PREX1: variants seen among roughly 807,000 people sequenced by gnomAD.
The protein encoded by PREX1 is phosphatidylinositol 3,4,5-trisphosphate-dependent Rac exchanger 1 protein.
A neutral mutation model predicts 198.3 loss-of-function variants in PREX1; 41 were observed. That is an observed-to-expected ratio of 0.21 (90% confidence interval 0.16 to 0.27). The LOEUF (loss-of-function observed/expected upper bound fraction) is 0.27, where lower values mean the gene tolerates loss of function less well. PREX1 is among the 10% of genes least tolerant of loss of function. The probability of loss-of-function intolerance (pLI) is 1.00; values close to 1 mark genes in which losing one functional copy is unlikely to be tolerated. For synonymous variants in PREX1, 843 were observed against 887.2 expected (o/e 0.95, Z 0.89); for missense variants, 1,620 against 2,200.7 (o/e 0.74, Z 5.28).
At chr20:48,841,807 C>T in the PREX1 span, among the ~76,000 whole-genome samples, 9 of 152,170 alleles carry the variant, frequency 5.9e-5, no homozygotes, top group African/African-American at 2.2e-4. Flanking sequence ...AACCCCCCGC[C>T]CACCCTACCT....
chr20:48,679,339 A>T, intron 13 of PREX1, 21 bp downstream of exon 13: 1 of 1,604,650 alleles, frequency 6.2e-7, no homozygotes, highest in Non-Finnish European at 8.5e-7. Context: ...GTGAAATTGG[A>T]GCTTGGAAAG....
chr20:48,628,341 G>A (rs1314206427), intron 37 of PREX1, among the ~76,000 whole-genome samples: 4 of 152,188 alleles, frequency 2.6e-5, no homozygotes, highest in South Asian at 2.1e-4. Flanking sequence ...TGGACACATC[G>A]ATTCACACCT....
At chr20:48,648,470 G>A (rs79247638) in intron 25 of PREX1, among the ~76,000 whole-genome samples, 7 of 152,102 alleles carry the variant, frequency 4.6e-5, no homozygotes, top group Admixed American at 4.6e-4. Flanking sequence ...CCCCAACAAG[G>A]AATAATCCAG....
intron 1 of PREX1, among the ~76,000 whole-genome samples, chr20:48,760,419 C>G (rs555895910): frequency 2.8e-4 from 42 of 152,198 alleles, no homozygotes; most frequent in African/African-American, 9.4e-4. Flanking sequence ...CAGAGCCCCC[C>G]ACATCCTCAT....
At chr20:48,720,987 G>C (rs12480741) in intron 5 of PREX1, among the ~76,000 whole-genome samples, 25,391 of 152,204 alleles carry the variant, frequency 0.17, 2,306 homozygotes, top group Middle Eastern at 0.29. Context: ...AACCCCACTA[G>C]AGCAGCTGTT....
intron 1 of PREX1, among the ~76,000 whole-genome samples, chr20:48,801,701 T>G (rs2090387595): frequency 6.6e-6 from 1 of 152,290 alleles, no homozygotes; most frequent in South Asian, 2.1e-4. Flanking sequence ...CCTGCTATGG[T>G]TTAGCTATGG....
intron 3 of PREX1, among the ~76,000 whole-genome samples, chr20:48,739,569 C>T (rs751302624): frequency 6.6e-6 from 1 of 152,216 alleles, no homozygotes; most frequent in Admixed American, 6.5e-5. Context: ...ACAGTCTGCA[C>T]TGGCATCTGA....
intron 1 of PREX1, among the ~76,000 whole-genome samples, chr20:48,789,941 G>C (rs2090330683): frequency 6.6e-6 from 1 of 152,068 alleles, no homozygotes; most frequent in Admixed American, 6.6e-5. Flanking sequence ...GTGAAGAAGG[G>C]GAGGAAAGAA....
chr20:48,682,710 G>C (rs770466122), intron 10 of PREX1, among the ~76,000 whole-genome samples: 1 of 152,156 alleles, frequency 6.6e-6, no homozygotes, highest in Non-Finnish European at 1.5e-5. Flanking sequence ...GGGGCCCCAG[G>C]TCCTAGTTCT....
rs759318978 is a variant in PREX1 at position 48,651,004 on chromosome 20, G to A, written c.2707C>T (p.Arg903Trp). The change falls in exon 23 of 40, where the codon CGG (arginine) becomes TGG (tryptophan). Residue 903 changes from arginine to tryptophan, a missense_variant. Arg to Trp is a moderately radical substitution (Grantham distance 101). This residue lies in a region of PREX1 where 514 missense variants were observed against 611.6 expected (regional missense o/e 0.84). Transcript: ENST00000371941. The part of the protein sequence containing the change: ...NDSVFVENCR[R>W]LMALSSAIVT... ...ATGGCGCTGCTCAGGGCCATGAGCC[G>A]CCTGCAGTTCTCCACGAAGACGCTG... The A allele has an allele frequency of 2.5e-6, 4 of 1,614,206 alleles. No individual in the cohort carries two copies. Among genetic ancestry groups the A allele is most frequent in the Non-Finnish European group, 3.4e-6 (4 of 1,180,032 alleles).
At chr20:48,653,147 C>T (rs1360432194) in intron 20 of PREX1, among the ~76,000 whole-genome samples, 1 of 152,126 alleles carries the variant, frequency 6.6e-6, no homozygotes, top group Non-Finnish European at 1.5e-5. Flanking sequence ...CTGTGAAAAC[C>T]GAGACCCCCG....
At chr20:48,738,494 C>T (rs1322276490) in intron 3 of PREX1, among the ~76,000 whole-genome samples, 1 of 152,178 alleles carries the variant, frequency 6.6e-6, no homozygotes, top group Non-Finnish European at 1.5e-5. Context: ...TCCAGCCTGA[C>T]CCCAGCTGCA....
the PREX1 span, among the ~76,000 whole-genome samples, chr20:48,886,600 C>A: frequency 6.6e-6 from 1 of 152,222 alleles, no homozygotes; most frequent in Non-Finnish European, 1.5e-5. Context: ...AAGCTAGGCC[C>A]AGACAAAATC....
the PREX1 span, among the ~76,000 whole-genome samples, chr20:48,835,483 T>A: frequency 6.6e-6 from 1 of 152,190 alleles, no homozygotes; most frequent in Non-Finnish European, 1.5e-5. Context: ...CAGGGAGCAC[T>A]GGGGCCAGCA....
At chr20:48,785,606 T>C (rs1302809814) in intron 1 of PREX1, among the ~76,000 whole-genome samples, 2 of 152,202 alleles carry the variant, frequency 1.3e-5, no homozygotes, top group Non-Finnish European at 2.9e-5. Context: ...TCATCGCTGA[T>C]GTTCGGACTC....
At chr20:48,657,732 G>A (rs1310577343) in intron 17 of PREX1, among the ~76,000 whole-genome samples, 1 of 151,570 alleles carries the variant, frequency 6.6e-6, no homozygotes, top group East Asian at 2.0e-4. Context: ...AAGCCGGAAG[G>A]CCCCAGGGCT....
chr20:48,704,051 C>T (rs756858769), intron 6 of PREX1, among the ~76,000 whole-genome samples: 2 of 152,210 alleles, frequency 1.3e-5, no homozygotes, highest in African/African-American at 2.4e-5. Flanking sequence ...TGCGTAGGGG[C>T]GGCCACATGC....
chr20:48,675,597 G>A (rs1335611495), intron 14 of PREX1, among the ~76,000 whole-genome samples: 2 of 152,210 alleles, frequency 1.3e-5, no homozygotes, highest in Non-Finnish European at 2.9e-5. Context: ...AAGTAGAATG[G>A]TGCTCATCGG....
chr20:48,883,010 C>T, the PREX1 span, among the ~76,000 whole-genome samples: 14 of 149,272 alleles, frequency 9.4e-5, no homozygotes, highest in African/African-American at 3.0e-4. Context: ...TGGCCCACTG[C>T]GACCTCTCAG....
Sources: gnomAD v4.1 joint callset for allele counts (sites outside exome capture counted in the v4.1 genomes callset) on GRCh38, gnomAD v4.1.1 for gene constraint, gnomAD v4.1.1 regional missense constraint, MANE v1.5 for transcripts, NCBI Gene and HGNC (gene_info 2026-07-23, HGNC 2026-07-21) for gene names.